TCF7L2: variants seen among roughly 807,000 people sequenced by gnomAD.
TCF7L2 encodes the protein transcription factor 7-like 2.
A neutral mutation model predicts 77.9 loss-of-function variants in TCF7L2; 23 were observed. That is an observed-to-expected ratio of 0.30 (90% CI 0.21 to 0.42). TCF7L2 has a LOEUF of 0.42. TCF7L2 is among the 10% of genes least tolerant of loss of function. The probability of loss-of-function intolerance (pLI) is 1.00; values close to 1 mark genes in which losing one functional copy is unlikely to be tolerated. For missense variants in TCF7L2, 654 were observed against 793.1 expected, an observed-to-expected ratio of 0.82 and a Z score of 2.11; for synonymous variants, 413 against 340.2, an observed-to-expected ratio of 1.21 and a Z score of -2.36.
intron 5 of TCF7L2, among the ~76,000 whole-genome samples, chr10:113,075,668 T>A (rs2058614700): frequency 1.3e-5 from 2 of 152,134 alleles, no homozygotes; most frequent in South Asian, 4.1e-4. Context: ...CTGTGAAAGG[T>A]CTGTGGTGCA....
chr10:113,141,416 G>C, intron 6 of TCF7L2, 100 bp downstream of exon 6: 1 of 1,524,166 alleles, frequency 6.6e-7, no homozygotes, highest in South Asian at 1.2e-5. Flanking sequence ...AGCAGTAGGG[G>C]ACTTTGGGGG....
intron 5 of TCF7L2, among the ~76,000 whole-genome samples, chr10:113,073,495 G>A (rs1196995531): frequency 1.6e-5 from 2 of 121,578 alleles, no homozygotes; most frequent in Admixed American, 9.2e-5. Context: ...GCAAGACCCG[G>A]TCTCTACCAA....
At chr10:113,146,633 TTAA>T (rs950952617) in intron 8 of TCF7L2, among the ~76,000 whole-genome samples, 3 of 150,360 alleles carry the variant, frequency 2.0e-5, no homozygotes, top group African/African-American at 7.5e-5. Flanking sequence ...TTTTTTTTTT[TTAA>T]AAAAAAGATA....
At chr10:113,123,817 G>T (rs891489384) in intron 5 of TCF7L2, among the ~76,000 whole-genome samples, 1 of 152,158 alleles carries the variant, frequency 6.6e-6, no homozygotes, top group Non-Finnish European at 1.5e-5. Flanking sequence ...GTGAACAAAT[G>T]GGATTCTTTA....
intron 4 of TCF7L2, among the ~76,000 whole-genome samples, chr10:112,979,386 C>A (rs937537097): frequency 6.6e-6 from 1 of 152,136 alleles, no homozygotes; most frequent in African/African-American, 2.4e-5. Flanking sequence ...ATCTTTTATC[C>A]CAGAGTCAAA....
At chr10:112,955,444 T>C (rs2033292396) in intron 3 of TCF7L2, among the ~76,000 whole-genome samples, 1 of 152,210 alleles carries the variant, frequency 6.6e-6, no homozygotes, top group South Asian at 2.1e-4. Flanking sequence ...TTAATGATTA[T>C]AAATTAAATA....
chr10:113,147,921 A>T (rs2069838674), intron 8 of TCF7L2, among the ~76,000 whole-genome samples: 1 of 152,102 alleles, frequency 6.6e-6, no homozygotes, highest in Non-Finnish European at 1.5e-5. Flanking sequence ...GTGCGGGGAG[A>T]GGCGGCCGAC....
At position 112,961,323 on chromosome 10, in the gene TCF7L2, G is replaced by A. The variant is rs1004936792; in HGVS notation, c.382-3233G>A. On this transcript the variant is annotated intron_variant, in intron 3 of 13. Coordinates refer to ENST00000627217, the MANE Select transcript of TCF7L2 (RefSeq NM_001146274.2). ...AGGCGTGAGCCATCGTGCCCGGCCA[G>A]AACCTGGTTTTTAAACTCAGATGTG... Among the ~76,000 whole-genome samples, 3 of 145,468 alleles carry A rather than the reference G, an allele frequency of 2.1e-5. 1 individual carries two copies. The highest frequency in any genetic ancestry group is 4.4e-5 in the Non-Finnish European group (3 of 67,452).
At chr10:112,977,743 G>A (rs2135112029) in intron 4 of TCF7L2, among the ~76,000 whole-genome samples, 1 of 152,244 alleles carries the variant, frequency 6.6e-6, no homozygotes, top group South Asian at 2.1e-4. Context: ...AGTCAAAGAG[G>A]GGACCACTTG....
intron 4 of TCF7L2, among the ~76,000 whole-genome samples, chr10:112,971,929 C>CT (rs60667044): frequency 0.36 from 53,546 of 150,518 alleles, 12,555 homozygotes; most frequent in East Asian, 0.68. Flanking sequence ...TTTTTCTTTC[C>CT]TTTTTTTTTG....
intron 4 of TCF7L2, among the ~76,000 whole-genome samples, chr10:113,023,572 A>G (rs868002312): frequency 3.9e-4 from 60 of 152,154 alleles, no homozygotes; most frequent in African/African-American, 1.4e-3. Context: ...CCCAGGTTCA[A>G]GCGATTCTCC....
intron 5 of TCF7L2, among the ~76,000 whole-genome samples, chr10:113,049,273 T>C (rs563321234): frequency 4.3e-4 from 65 of 151,984 alleles, no homozygotes; most frequent in African/African-American, 1.5e-3. Context: ...ATGCCCAGAA[T>C]CCACGTCTTT....
At chr10:113,165,498 T>A (rs2073979344) in intron 13 of TCF7L2, 57 bp from the exon 15 acceptor site, 1 of 1,580,922 alleles carries the variant, frequency 6.3e-7, no homozygotes, top group East Asian at 2.2e-5. Flanking sequence ...ATTAGGTAAC[T>A]CTCTCCCTTG....
At chr10:112,956,273 C>G (rs1021356746) in intron 3 of TCF7L2, among the ~76,000 whole-genome samples, 2 of 150,708 alleles carry the variant, frequency 1.3e-5, no homozygotes, top group African/African-American at 2.4e-5. Flanking sequence ...AGCAAATGCT[C>G]TCTCCTGCAC....
At chr10:113,059,446 C>CA (rs1221661302) in intron 5 of TCF7L2, among the ~76,000 whole-genome samples, 1 of 151,892 alleles carries the variant, frequency 6.6e-6, no homozygotes, top group African/African-American at 2.4e-5. Flanking sequence ...AACACAGTCT[C>CA]AGAGTTAGGA....
At chr10:113,129,642 G>A (rs1316756845) in intron 5 of TCF7L2, 9 of 1,180,390 alleles carry the variant, frequency 7.6e-6, no homozygotes, top group Non-Finnish European at 8.5e-6. Flanking sequence ...CGACAACTTT[G>A]AGCATTTTGA....
chr10:112,957,149 T>C (rs2033840663), intron 3 of TCF7L2, among the ~76,000 whole-genome samples: 1 of 151,632 alleles, frequency 6.6e-6, no homozygotes, highest in South Asian at 2.1e-4. Context: ...TCTCCCTTTT[T>C]CCTTTCTTTC....
intron 4 of TCF7L2, among the ~76,000 whole-genome samples, chr10:113,002,263 G>A (rs912091464): frequency 3.9e-5 from 6 of 152,216 alleles, no homozygotes; most frequent in Non-Finnish European, 8.8e-5. Context: ...GACCAAAGAA[G>A]CTAGATGGGA....
At chr10:113,109,062 AAC>A (rs1381502253) in intron 5 of TCF7L2, among the ~76,000 whole-genome samples, 3 of 152,224 alleles carry the variant, frequency 2.0e-5, no homozygotes, top group East Asian at 1.9e-4. Flanking sequence ...TGTATACACA[AAC>A]ACACGCGCGT....
Sources: allele counts gnomAD v4.1 joint callset (sites outside exome capture counted in the v4.1 genomes callset), GRCh38; gene constraint gnomAD v4.1.1; transcripts MANE v1.5; gene names NCBI Gene and HGNC (gene_info 2026-07-23, HGNC 2026-07-21).